CHN2: variants seen among roughly 807,000 people sequenced by gnomAD.
The protein encoded by CHN2 is beta-chimaerin.
CHN2 carries 35 observed loss-of-function variants against 56.3 expected under a neutral mutation model. That is an observed-to-expected ratio of 0.62 (90% CI 0.47 to 0.82). The LOEUF is 0.82. Among genes scored for constraint, CHN2 ranks in the 40% least tolerant of loss-of-function variants. The pLI, the probability that CHN2 is intolerant of heterozygous loss-of-function variation, is 0.00. For synonymous variants in CHN2, 210 were observed against 212.8 expected, an observed-to-expected ratio of 0.99 and a Z score of 0.12; for missense variants, 491 against 580.5, an observed-to-expected ratio of 0.85 and a Z score of 1.58.
At chr7:29,250,618 C>A (rs245963) in intron 1 of CHN2, among the ~76,000 whole-genome samples, 11,651 of 152,138 alleles carry the variant, frequency 0.077, 826 homozygotes, top group African/African-American at 0.19. Context: ...CCGGTTAAAC[C>A]TTAAGTTGCT....
chr7:29,349,926 C>T (rs1272997684), intron 1 of CHN2, among the ~76,000 whole-genome samples: 2 of 152,108 alleles, frequency 1.3e-5, no homozygotes, highest in Non-Finnish European at 2.9e-5. Flanking sequence ...TCACTATTTC[C>T]AGTACCTTGT....
chr7:29,309,243 A>G (rs1794404796), intron 1 of CHN2, among the ~76,000 whole-genome samples: 1 of 152,210 alleles, frequency 6.6e-6, no homozygotes, highest in African/African-American at 2.4e-5. Flanking sequence ...GTGTTTGGAA[A>G]GTCACCGCTC....
intron 1 of CHN2, among the ~76,000 whole-genome samples, chr7:29,343,651 G>A (rs1002033893): frequency 9.2e-5 from 14 of 151,968 alleles, no homozygotes; most frequent in Admixed American, 2.6e-4. Flanking sequence ...CTTTCATGTC[G>A]CCCCATCTTG....
intron 3 of CHN2, among the ~76,000 whole-genome samples, chr7:29,370,842 G>C (rs1799551598): frequency 1.3e-5 from 2 of 152,170 alleles, no homozygotes; most frequent in Admixed American, 1.3e-4. Context: ...GGTGAGTCAA[G>C]GGTACAGACT....
chr7:29,412,728 T>C (rs1481304882), intron 6 of CHN2, among the ~76,000 whole-genome samples: 1 of 152,178 alleles, frequency 6.6e-6, no homozygotes, highest in Non-Finnish European at 1.5e-5. Flanking sequence ...TGGCCCCTTT[T>C]GCAGCATTGG....
intron 6 of CHN2, among the ~76,000 whole-genome samples, chr7:29,401,965 C>T (rs1012914164): frequency 6.6e-6 from 1 of 152,274 alleles, no homozygotes; most frequent in African/African-American, 2.4e-5. Context: ...GTGCTGAGCC[C>T]GGCTTGTCAG....
At chr7:29,395,575 G>A (rs1801677982) in intron 4 of CHN2, among the ~76,000 whole-genome samples, 1 of 152,006 alleles carries the variant, frequency 6.6e-6, no homozygotes, top group African/African-American at 2.4e-5. Flanking sequence ...AAATAGAAGA[G>A]GGAAAATACC....
At chr7:29,356,114 T>C (rs565088242) in intron 2 of CHN2, among the ~76,000 whole-genome samples, 1 of 152,108 alleles carries the variant, frequency 6.6e-6, no homozygotes, top group South Asian at 2.1e-4. Context: ...ATTTCACATG[T>C]AAGGAAACCA....
chr7:29,272,549 C>T (rs116469518), intron 1 of CHN2, among the ~76,000 whole-genome samples: 12,283 of 152,094 alleles, frequency 0.081, 766 homozygotes, highest in African/African-American at 0.18. Flanking sequence ...CTATGCTTGT[C>T]TATGGGGCTG....
chr7:29,245,908 C>G (rs775616574), intron 1 of CHN2, among the ~76,000 whole-genome samples: 1 of 152,188 alleles, frequency 6.6e-6, no homozygotes. Flanking sequence ...TTGTCGAAGC[C>G]TTTGCTGCTG....
chr7:29,383,938 G>A (rs1800727248), intron 3 of CHN2, among the ~76,000 whole-genome samples: 2 of 152,188 alleles, frequency 1.3e-5, no homozygotes, highest in Admixed American at 1.3e-4. Flanking sequence ...ATAGCCCAGT[G>A]GACTTGGAGA....
chr7:29,439,113 A>G (rs1431017275), intron 6 of CHN2, among the ~76,000 whole-genome samples: 1 of 152,174 alleles, frequency 6.6e-6, no homozygotes, highest in African/African-American at 2.4e-5. Context: ...CCTATTAAGG[A>G]GGTTTTGCCT....
chr7:29,440,417 G>A lies in CHN2; in HGVS notation c.576+39589G>A, dbSNP rs139023828. On this transcript the variant is annotated intron_variant, in intron 6 of 12. Transcript: ENST00000222792. ...ATTAAAGAGTGCACAGAGGCTGGGC[G>A]TGGTAGCTCACAGCTGTAATCTTAG... is the stretch of plus-strand genomic sequence containing the variant. Among the ~76,000 whole-genome samples the A allele has an allele frequency of 6.0e-3, 918 of 152,230 alleles. 6 individuals carry two copies. The highest frequency in any genetic ancestry group is 0.019 in the African/African-American group (783 of 41,532).
At chr7:29,342,293 T>C (rs1453103426) in intron 1 of CHN2, among the ~76,000 whole-genome samples, 2 of 152,168 alleles carry the variant, frequency 1.3e-5, no homozygotes, top group Non-Finnish European at 2.9e-5. Context: ...TCCCAGATAA[T>C]GTATGGAAGG....
At chr7:29,495,298 A>G (rs1789146627) in intron 7 of CHN2, among the ~76,000 whole-genome samples, 1 of 152,190 alleles carries the variant, frequency 6.6e-6, no homozygotes, top group Non-Finnish European at 1.5e-5. Flanking sequence ...GGCTGGGAGC[A>G]TCAATCAATG....
chr7:29,205,147 T>A lies in CHN2; in HGVS notation c.49+10157T>A, dbSNP rs1009684681. On this transcript the variant is annotated intron_variant, in intron 1 of 12. Transcript: ENST00000222792. ...TCATTCAGGAGTTAATGTAAACATG[T>A]CTGAATCCATCTGTAGTTTCAGCTT... Among the ~76,000 whole-genome samples, 3 of 152,250 alleles carry A rather than the reference T, an allele frequency of 2.0e-5. No individual in the cohort carries two copies. In the South Asian group the frequency reaches 6.2e-4, roughly 32 times the overall value.
At chr7:29,383,995 A>G (rs543442109) in intron 3 of CHN2, among the ~76,000 whole-genome samples, 1 of 152,298 alleles carries the variant, frequency 6.6e-6, no homozygotes, top group Admixed American at 6.5e-5. Context: ...TACAATGAAG[A>G]AGACTTCGTG....
chr7:29,151,165 G>T (rs1446163924), intron 2 of CHN2, among the ~76,000 whole-genome samples: 1 of 152,188 alleles, frequency 6.6e-6, no homozygotes, highest in African/African-American at 2.4e-5. Context: ...ACTAGCCACA[G>T]GCTACAGACT....
intron 1 of CHN2, among the ~76,000 whole-genome samples, chr7:29,289,829 CA>C (rs1455761237): frequency 1.3e-5 from 2 of 152,058 alleles, no homozygotes; most frequent in Non-Finnish European, 2.9e-5. Context: ...TAAATGTTAC[CA>C]AAAAAGAGAA....
Sources: allele counts gnomAD v4.1 joint callset (sites outside exome capture counted in the v4.1 genomes callset), GRCh38; gene constraint gnomAD v4.1.1; transcripts MANE v1.5; gene names NCBI Gene and HGNC (gene_info 2026-07-23, HGNC 2026-07-21).